C11orf65: variants seen among roughly 807,000 people sequenced by gnomAD.
C11orf65 encodes the protein chromosome 11 open reading frame 65.
C11orf65 carries 38 observed loss-of-function variants against 35.3 expected under a neutral mutation model. The ratio of observed to expected loss-of-function variants is 1.08; its 90% confidence interval spans 0.83 to 1.41. C11orf65 has a LOEUF of 1.41. Among genes scored for constraint, C11orf65 ranks in the 40% most tolerant of loss-of-function variants. The pLI, the probability that C11orf65 is intolerant of heterozygous loss-of-function variation, is 0.00. For missense variants in C11orf65, 370 were observed against 367.1 expected, an observed-to-expected ratio of 1.01 and a Z score of -0.06; for synonymous variants, 105 against 114.4, an observed-to-expected ratio of 0.92 and a Z score of 0.53.
At chr11:108,453,470 C>T (rs1270836800) in intron 2 of C11orf65, among the ~76,000 whole-genome samples, 2 of 151,974 alleles carry the variant, frequency 1.3e-5, no homozygotes, top group South Asian at 2.1e-4. Flanking sequence ...TAGAATTATG[C>T]AAAATTAAAT....
At chr11:108,317,995 A>C (rs1458171075) in intron 6 of C11orf65, among the ~76,000 whole-genome samples, 1 of 152,156 alleles carries the variant, frequency 6.6e-6, no homozygotes, top group Non-Finnish European at 1.5e-5. Flanking sequence ...TTAGTCAGTA[A>C]GATAGCACTT....
At chr11:108,347,653 G>A (rs759026135) in intron 2 of C11orf65, among the ~76,000 whole-genome samples, 4 of 152,054 alleles carry the variant, frequency 2.6e-5, no homozygotes, top group Admixed American at 1.3e-4. Flanking sequence ...AAGGAATCAG[G>A]GCTATTCCAC....
chr11:108,448,306 C>T (rs536143602), intron 2 of C11orf65, among the ~76,000 whole-genome samples: 39 of 152,226 alleles, frequency 2.6e-4, no homozygotes, highest in Non-Finnish European at 4.3e-4. Flanking sequence ...TATCCTGATA[C>T]GAAAGCCAGG....
chr11:108,385,618 C>T (rs1375496231), intron 8 of C11orf65, among the ~76,000 whole-genome samples: 1 of 151,666 alleles, frequency 6.6e-6, no homozygotes, highest in Non-Finnish European at 1.5e-5. Context: ...GGAGGCGGAG[C>T]TTGCAGTGAG....
downstream of C11orf65, among the ~76,000 whole-genome samples, chr11:108,378,948 A>G (rs1382387408): frequency 6.6e-6 from 1 of 152,112 alleles, no homozygotes; most frequent in Non-Finnish European, 1.5e-5. Flanking sequence ...CACCAGTTAG[A>G]GTGGCGATCA....
At chr11:108,383,511 G>A (rs2091911753) in intron 8 of C11orf65, among the ~76,000 whole-genome samples, 1 of 152,154 alleles carries the variant, frequency 6.6e-6, no homozygotes, top group Non-Finnish European at 1.5e-5. Flanking sequence ...TCATATTCCT[G>A]CAAGAGTTAA....
chr11:108,463,159 G>A (rs1389427936), intron 1 of C11orf65, among the ~76,000 whole-genome samples: 1 of 152,116 alleles, frequency 6.6e-6, no homozygotes, highest in Non-Finnish European at 1.5e-5. Flanking sequence ...CTGAATTGGT[G>A]CATGTAAAAT....
At chr11:108,430,811 C>A (rs1478703926) in intron 3 of C11orf65, among the ~76,000 whole-genome samples, 2 of 151,798 alleles carry the variant, frequency 1.3e-5, no homozygotes, top group African/African-American at 4.8e-5. Context: ...TGCCACTGCA[C>A]TCTAACCTGG....
chr11:108,453,121 A>ACG (rs71050858), intron 2 of C11orf65, among the ~76,000 whole-genome samples: 1 of 141,120 alleles, frequency 7.1e-6, no homozygotes, highest in African/African-American at 2.6e-5. Context: ...CACGTTGTGC[A>ACG]TGTACCCTAG....
In C11orf65 at chr11:108,331,493, A is replaced by C; in HGVS notation, c.*57T>G. 6.2e-7 allele frequency: 1 copy of C among 1,613,576 alleles called. No homozygotes were observed. On this transcript the variant is annotated 3_prime_UTR_variant, in exon 4 of 4. Transcript: ENST00000524755. ...TATAAATTTTTGCCTCTTATGTACC[A>C]ATTGGCTGCTAGAATGGGGACCAAG...
upstream of C11orf65, among the ~76,000 whole-genome samples, chr11:108,468,356 C>A (rs140502167): frequency 6.6e-6 from 1 of 152,330 alleles, no homozygotes; most frequent in Non-Finnish European, 1.5e-5. Context: ...AATGCAAGCA[C>A]TGCTTATCTA....
chr11:108,381,619 AT>A (rs1346166869), downstream of C11orf65, among the ~76,000 whole-genome samples: 6 of 151,776 alleles, frequency 4.0e-5, no homozygotes, highest in Admixed American at 6.6e-5. Flanking sequence ...AATTTCTCTA[AT>A]TTCTAATTCT....
chr11:108,442,340 T>TAC (rs770830007), intron 2 of C11orf65, among the ~76,000 whole-genome samples: 4 of 152,194 alleles, frequency 2.6e-5, no homozygotes, highest in African/African-American at 4.8e-5. Context: ...AGATGAAACT[T>TAC]ACGTCTGATT....
At chr11:108,378,194 C>G (rs1331146768), downstream of C11orf65, among the ~76,000 whole-genome samples, 1 of 152,010 alleles carries the variant, frequency 6.6e-6, no homozygotes, top group African/African-American at 2.4e-5. Flanking sequence ...GCCAAAAGAA[C>G]AAAGCTGGAG....
chr11:108,427,755 T>C (rs111612686), intron 3 of C11orf65, among the ~76,000 whole-genome samples: 45,906 of 118,004 alleles, frequency 0.39, 10,033 homozygotes, highest in Middle Eastern at 0.59. Flanking sequence ...AGCTCATCAT[T>C]ACTGGTCATT....
chr11:108,469,559 A>G (rs1048353913), upstream of C11orf65, among the ~76,000 whole-genome samples: 3 of 151,832 alleles, frequency 2.0e-5, no homozygotes. Context: ...AATAAACTGC[A>G]TATTTTTAAT....
At chr11:108,448,337 A>G (rs11501010) in intron 2 of C11orf65, among the ~76,000 whole-genome samples, 3,953 of 152,288 alleles carry the variant, frequency 0.026, 184 homozygotes, top group African/African-American at 0.09. Context: ...ACCGAAAAAG[A>G]GAATTTTAGG....
chr11:108,388,996 A>C (rs1409895294), intron 7 of C11orf65, among the ~76,000 whole-genome samples: 6 of 152,254 alleles, frequency 3.9e-5, no homozygotes. Context: ...TCAGGAGAGC[A>C]TCGGTCTGTC....
At chr11:108,362,580 A>G (rs2090898691) in intron 2 of C11orf65, among the ~76,000 whole-genome samples, 1 of 150,590 alleles carries the variant, frequency 6.6e-6, no homozygotes, top group Non-Finnish European at 1.5e-5. Context: ...CTGGATTAAG[A>G]AAATGTAGCA....
Sources: allele counts gnomAD v4.1 joint callset (sites outside exome capture counted in the v4.1 genomes callset), GRCh38; gene constraint gnomAD v4.1.1; transcripts MANE v1.5; gene names NCBI Gene and HGNC (gene_info 2026-07-23, HGNC 2026-07-21).